Variants in C8orf89 observed in about 807,000 individuals in gnomAD.
The protein encoded by C8orf89 is putative uncharacterized protein C8orf89.
A neutral mutation model predicts 15.8 loss-of-function variants in C8orf89; 14 were observed. That is an observed-to-expected ratio of 0.89 (90% CI 0.59 to 1.39). The LOEUF is 1.39. Ranked by LOEUF, C8orf89 falls within the 40% of genes most tolerant of loss-of-function variation. The probability of loss-of-function intolerance (pLI) is 0.00; values close to 1 mark genes in which losing one functional copy is unlikely to be tolerated. For synonymous variants in C8orf89, 55 were observed against 62.2 expected (o/e 0.88, Z 0.54); for missense variants, 181 against 184.5 (o/e 0.98, Z 0.11).
At chr8:73,277,468 A>C in the C8orf89 span, 1 of 1,002,260 alleles carries the variant, frequency 1.0e-6, no homozygotes, top group Admixed American at 2.2e-5. Context: ...GTGCTCGAGA[A>C]GAATCCCCTG....
At chr8:73,285,604 A>T in the C8orf89 span, among the ~76,000 whole-genome samples, 1 of 152,056 alleles carries the variant, frequency 6.6e-6, no homozygotes, top group Non-Finnish European at 1.5e-5. Context: ...GCCAGCCACC[A>T]GCACTCACTG....
intron 2 of C8orf89, among the ~76,000 whole-genome samples, 163 bp from the exon 3 acceptor site, chr8:73,250,486 A>T (rs1055712916): frequency 6.6e-6 from 1 of 152,196 alleles, no homozygotes; most frequent in African/African-American, 2.4e-5. Context: ...CCAGCCCAAC[A>T]TCTTGCTAGC....
chr8:73,276,333 C>T, the C8orf89 span, among the ~76,000 whole-genome samples: 1 of 151,896 alleles, frequency 6.6e-6, no homozygotes, highest in Non-Finnish European at 1.5e-5. Flanking sequence ...CATGCCACCA[C>T]GCCCTGCTAA....
upstream of C8orf89, among the ~76,000 whole-genome samples, chr8:73,263,375 T>G (rs1813563130): frequency 6.6e-6 from 1 of 152,088 alleles, no homozygotes. Context: ...ATTAGCCATG[T>G]GTGGTGGTGC....
intron 2 of C8orf89, among the ~76,000 whole-genome samples, chr8:73,253,238 T>C (rs1813289241): frequency 6.6e-6 from 1 of 152,252 alleles, no homozygotes; most frequent in African/African-American, 2.4e-5. Context: ...ACTATCTTAC[T>C]AACTTAGAGA....
At chr8:73,277,729 C>T in the C8orf89 span, 7 of 747,410 alleles carry the variant, frequency 9.4e-6, no homozygotes, top group South Asian at 6.7e-5. Context: ...GAGGGGGACA[C>T]CCAGCTCGTC....
chr8:73,245,319 A>G (rs1292284338), intron 3 of C8orf89, among the ~76,000 whole-genome samples: 1 of 152,250 alleles, frequency 6.6e-6, no homozygotes, highest in Non-Finnish European at 1.5e-5. Context: ...CATAATAAAC[A>G]TACAAATATT....
At chr8:73,256,867 AAC>A (rs1254061518) in intron 2 of C8orf89, 104 bp downstream of exon 2, 2,888 of 700,440 alleles carry the variant, frequency 4.1e-3, no homozygotes, top group Middle Eastern at 7.7e-3. Context: ...AAAAAAAAAA[AAC>A]AGGCAAAAAT....
At chr8:73,284,043 A>T in the C8orf89 span, among the ~76,000 whole-genome samples, 1 of 141,964 alleles carries the variant, frequency 7.0e-6, no homozygotes, top group African/African-American at 2.6e-5. Context: ...ACTCTGTCTT[A>T]AAAAAAAAAA....
At chr8:73,245,155 A>G (rs1813097384) in intron 3 of C8orf89, among the ~76,000 whole-genome samples, 1 of 152,224 alleles carries the variant, frequency 6.6e-6, no homozygotes, top group African/African-American at 2.4e-5. Flanking sequence ...TGAGAATGGT[A>G]TGGGGCAACC....
rs1465307696 is a variant in C8orf89 at position 73,257,011 on chromosome 8, T to C, written c.243A>G (p.Lys81=). 6.5e-7 allele frequency: 1 copy of C among 1,535,278 alleles called. No individual in the cohort carries two copies. The highest frequency in any genetic ancestry group is 2.0e-5 in the Admixed American group (1 of 50,820). The change falls in exon 2 of 4, where the codon AAA becomes AAG. Residue 81 remains lysine (K), a synonymous_variant. Transcript: ENST00000624510. The stretch of plus-strand genomic sequence containing the variant: ...CCTCGGCATCAGCACGTGGCAGTCT[T>C]TTAGGAACCTCTAGTGGAGTTGAAC... The part of the protein sequence containing the change: ...SVSSTPLEVP[K]RLPRADAEVS...
At chr8:73,242,074 G>T (rs184202572) in intron 3 of C8orf89, among the ~76,000 whole-genome samples, 4 of 152,122 alleles carry the variant, frequency 2.6e-5, no homozygotes, top group Non-Finnish European at 4.4e-5. Context: ...CCAGGACATG[G>T]GAGTGGTCAA....
the C8orf89 span, among the ~76,000 whole-genome samples, chr8:73,277,196 G>A: frequency 6.6e-6 from 1 of 151,986 alleles, no homozygotes; most frequent in Non-Finnish European, 1.5e-5. Context: ...GGGCTATTTT[G>A]CCTTACTGGG....
chr8:73,269,750 A>G, the C8orf89 span, among the ~76,000 whole-genome samples: 1 of 152,354 alleles, frequency 6.6e-6, no homozygotes, highest in East Asian at 1.9e-4. Flanking sequence ...CTCCCATGAC[A>G]TAATAACTCA....
At chr8:73,252,497 T>A (rs1005967991) in intron 2 of C8orf89, among the ~76,000 whole-genome samples, 1 of 152,204 alleles carries the variant, frequency 6.6e-6, no homozygotes, top group African/African-American at 2.4e-5. Flanking sequence ...ATGGATATGT[T>A]ATGATGGGTA....
chr8:73,277,952 G>A, the C8orf89 span: 1 of 656,920 alleles, frequency 1.5e-6, no homozygotes, highest in East Asian at 3.4e-5. Context: ...GTCTGTGTTG[G>A]CCAGCAACAA....
chr8:73,267,656 C>T, the C8orf89 span, among the ~76,000 whole-genome samples: 4 of 152,178 alleles, frequency 2.6e-5, no homozygotes, highest in African/African-American at 7.2e-5. Context: ...GCAATTATGA[C>T]GATTAATGTT....
At chr8:73,250,236 GA>G in intron 3 of C8orf89, 31 bp downstream of exon 3, 1 of 1,453,524 alleles carries the variant, frequency 6.9e-7, no homozygotes, top group African/African-American at 1.4e-5. Flanking sequence ...ACACCCAAGA[GA>G]GGTAGTAGAA....
chr8:73,248,402 AGGATTGCCTT>A (rs1267020759), intron 3 of C8orf89, among the ~76,000 whole-genome samples: 1 of 152,088 alleles, frequency 6.6e-6, no homozygotes, highest in African/African-American at 2.4e-5. Context: ...CTTTTTGCTT[AGGATTGCCTT>A]GGCTATTTTG....
Sources: gnomAD v4.1 joint callset for allele counts (sites outside exome capture counted in the v4.1 genomes callset) on GRCh38, gnomAD v4.1.1 for gene constraint, MANE v1.5 for transcripts, NCBI Gene and HGNC (gene_info 2026-07-23, HGNC 2026-07-21) for gene names.